The following GFOD2 variants were observed in gnomAD, a reference collection of about 807,000 sequenced individuals.
GFOD2 encodes Gfo/Idh/MocA-like oxidoreductase domain containing 2, also known as glucose-fructose oxidoreductase domain-containing protein 2.
Under a neutral mutation model 24.6 loss-of-function variants are expected in GFOD2, and 9 were observed. That is an observed-to-expected ratio of 0.37 (90% CI 0.22 to 0.64). The LOEUF is 0.64. Ranked by LOEUF, GFOD2 falls within the 30% of genes least tolerant of loss-of-function variation. The pLI is 0.65. For synonymous variants in GFOD2, 211 were observed against 224.8 expected, an observed-to-expected ratio of 0.94 and a Z score of 0.55; for missense variants, 476 against 532.5, an observed-to-expected ratio of 0.89 and a Z score of 1.04.
intron 2 of GFOD2, chr16:67,677,078 G>C (rs185062643): frequency 6.6e-6 from 1 of 152,006 alleles, no homozygotes; most frequent in African/African-American, 2.4e-5. Context: ...AGCCAGAAAG[G>C]GTAAAGACAC....
chr16:67,682,885 C>T, intron 2 of GFOD2: 1 of 950,290 alleles, frequency 1.1e-6, no homozygotes, highest in Non-Finnish European at 1.3e-6. Context: ...CCACCAGAGT[C>T]ACCTGCAAGG....
chr16:67,717,095 T>G (rs1389762612), intron 1 of GFOD2, among the ~76,000 whole-genome samples: 1 of 152,044 alleles, frequency 6.6e-6, no homozygotes, highest in Non-Finnish European at 1.5e-5. Flanking sequence ...GGGGTTTCAT[T>G]ATGTTGGTGA....
At chr16:67,682,476 T>G (rs1215561652) in intron 2 of GFOD2, 1 of 985,290 alleles carries the variant, frequency 1.0e-6, no homozygotes, top group African/African-American at 1.7e-5. Context: ...TATAATTTCC[T>G]GAACCACTTC....
At chr16:67,704,804 T>C (rs1161709151) in intron 1 of GFOD2, among the ~76,000 whole-genome samples, 1 of 152,232 alleles carries the variant, frequency 6.6e-6, no homozygotes, top group African/African-American at 2.4e-5. Context: ...TCTCCAGTTC[T>C]CTTTCTAGGT....
chr16:67,682,934 T>G (rs966598353), intron 2 of GFOD2: 2 of 647,536 alleles, frequency 3.1e-6, no homozygotes, highest in Non-Finnish European at 3.8e-6. Flanking sequence ...AGAGATTCAG[T>G]AGGTTTGGAG....
At chr16:67,684,738 T>C (rs1396007777) in intron 2 of GFOD2, 1 of 979,622 alleles carries the variant, frequency 1.0e-6, no homozygotes, top group Non-Finnish European at 1.2e-6. Context: ...TACTGGTTTG[T>C]TTACTTAGTA....
At chr16:67,679,384 C>T (rs1027994898) in intron 2 of GFOD2, among the ~76,000 whole-genome samples, 2 of 151,864 alleles carry the variant, frequency 1.3e-5, no homozygotes, top group Admixed American at 6.5e-5. Context: ...CAGGAGCCTG[C>T]CACCATGCCC....
intron 1 of GFOD2, among the ~76,000 whole-genome samples, chr16:67,700,501 C>T (rs954567992): frequency 2.6e-5 from 4 of 152,124 alleles, no homozygotes; most frequent in Non-Finnish European, 5.9e-5. Flanking sequence ...CACCTGAGGT[C>T]AGGAGTTTGA....
At chr16:67,714,079 G>A (rs904561342) in intron 1 of GFOD2, among the ~76,000 whole-genome samples, 1 of 152,024 alleles carries the variant, frequency 6.6e-6, no homozygotes, top group Non-Finnish European at 1.5e-5. Context: ...GACCAAATAT[G>A]TATTTCACAA....
intron 1 of GFOD2, among the ~76,000 whole-genome samples, chr16:67,712,278 C>T (rs1371373036): frequency 2.3e-5 from 2 of 88,030 alleles, no homozygotes; most frequent in Non-Finnish European, 4.5e-5. Flanking sequence ...TCTCCCTCTC[C>T]CCCTCCCCCT....
At chr16:67,710,489 C>T (rs551512814) in intron 1 of GFOD2, among the ~76,000 whole-genome samples, 103 of 152,270 alleles carry the variant, frequency 6.8e-4, no homozygotes, top group African/African-American at 2.2e-3. Flanking sequence ...CTCAGCCTCC[C>T]GAGTAGCTGG....
chr16:67,680,831 G>A, intron 2 of GFOD2: 1 of 983,134 alleles, frequency 1.0e-6, no homozygotes, highest in Non-Finnish European at 1.2e-6. Flanking sequence ...TGTTACATAT[G>A]TATACATGTG....
At chr16:67,684,886 C>A (rs1388244895) in intron 2 of GFOD2, 1 of 991,292 alleles carries the variant, frequency 1.0e-6, no homozygotes, top group African/African-American at 1.7e-5. Flanking sequence ...AAGCCCAAAA[C>A]TTCCCAAGGG....
chr16:67,675,407 C>G lies in GFOD2; in HGVS notation c.906G>C (p.Leu302=). The change falls in exon 3 of 3, where the codon CTG becomes CTC. Residue 302 remains leucine, a synonymous_variant. Coordinates refer to ENST00000268797, the MANE Select transcript of GFOD2 (RefSeq NM_030819.4). ...PEQGPQDVPL[L]YLKGMVYMVQ... Reference sequence around the variant, plus strand: ...CCATGTAGACCATGCCCTTCAGGTACAGCAGCGGGACATCCTGGGGCCCCT... The same window carrying G: ...CCATGTAGACCATGCCCTTCAGGTAGAGCAGCGGGACATCCTGGGGCCCCT... The G allele has an allele frequency of 6.2e-7, 1 of 1,613,150 alleles. No homozygotes were observed. The highest frequency in any genetic ancestry group is 8.5e-7 in the Non-Finnish European group (1 of 1,179,992).
At chr16:67,709,097 G>A (rs1012829608) in intron 1 of GFOD2, among the ~76,000 whole-genome samples, 2 of 152,018 alleles carry the variant, frequency 1.3e-5, no homozygotes, top group Non-Finnish European at 2.9e-5. Context: ...GAGCCCAAGA[G>A]TTTGAGACCA....
In GFOD2 at chr16:67,685,448, C is replaced by T. The variant is rs753706429; in HGVS notation, c.259+9G>A. ...ATGATCTGCCCCTGCTGTGGCCTGC[C>T]GGGCGTACCTAGAGCCTTCACGGAT... On this transcript the variant is annotated intron_variant, in intron 2 of 2. Coordinates refer to ENST00000268797, the MANE Select transcript of GFOD2 (RefSeq NM_030819.4). The T allele has an allele frequency of 7.3e-5, 118 of 1,613,928 alleles. No homozygotes were observed. Among genetic ancestry groups the T allele is most frequent in the Middle Eastern group, 3.3e-4 (2 of 6,082 alleles).
At chr16:67,696,877 AAGGCAGGCAGG>A (rs1480434580) in intron 1 of GFOD2, among the ~76,000 whole-genome samples, 4 of 152,336 alleles carry the variant, frequency 2.6e-5, no homozygotes, top group African/African-American at 9.6e-5. Flanking sequence ...AGATGGCATG[AAGGCAGGCAGG>A]CTTGCTGACT....
At chr16:67,700,184 G>A (rs1449964011) in intron 1 of GFOD2, among the ~76,000 whole-genome samples, 1 of 152,044 alleles carries the variant, frequency 6.6e-6, no homozygotes, top group Non-Finnish European at 1.5e-5. Flanking sequence ...GACCAGCCTG[G>A]GCAACAAGGT....
At chr16:67,686,690 G>C (rs569495149) in intron 1 of GFOD2, among the ~76,000 whole-genome samples, 5 of 151,646 alleles carry the variant, frequency 3.3e-5, no homozygotes, top group Non-Finnish European at 7.4e-5. Context: ...AAAAAAACTA[G>C]CCAGGTGTGG....
Sources: allele counts gnomAD v4.1 joint callset (sites outside exome capture counted in the v4.1 genomes callset), GRCh38; gene constraint gnomAD v4.1.1; transcripts MANE v1.5; gene names NCBI Gene and HGNC (gene_info 2026-07-23, HGNC 2026-07-21).